The following EDARADD variants were observed in gnomAD, a reference collection of about 807,000 sequenced individuals.
EDARADD encodes ectodysplasin-A receptor-associated adapter protein.
In EDARADD, 20 loss-of-function variants were observed where a neutral mutation model predicts 25.6. The observed-to-expected ratio is 0.78, with a 90% confidence interval of 0.55 to 1.14. The LOEUF (loss-of-function observed/expected upper bound fraction) is 1.14. Ranked by LOEUF, EDARADD falls within the 50% of genes most tolerant of loss-of-function variation. EDARADD has a pLI of 0.00. For synonymous variants in EDARADD, 86 were observed against 94.4 expected, an observed-to-expected ratio of 0.91 and a Z score of 0.52; for missense variants, 225 against 270.1, an observed-to-expected ratio of 0.83 and a Z score of 1.17.
chr1:236,463,792 C>A (rs927773491), intron 4 of EDARADD, among the ~76,000 whole-genome samples: 1 of 152,196 alleles, frequency 6.6e-6, no homozygotes, highest in African/African-American at 2.4e-5. Context: ...TCTCACCTCC[C>A]TTCAGGCTTC....
upstream of EDARADD, chr1:236,394,205 A>G: frequency 7.7e-6 from 4 of 521,814 alleles, no homozygotes; most frequent in South Asian, 2.2e-5. Context: ...TGAGAAGTAC[A>G]GAAAGAACCA....
At chr1:236,443,937 T>C (rs1185405542) in intron 4 of EDARADD, among the ~76,000 whole-genome samples, 1 of 152,158 alleles carries the variant, frequency 6.6e-6, no homozygotes, top group African/African-American at 2.4e-5. Context: ...TCCATTGATG[T>C]GGCAAACCTT....
chr1:236,405,218 C>A lies in EDARADD; in HGVS notation c.62-3998C>A, dbSNP rs79338066. On this transcript the variant is annotated intron_variant, in intron 1 of 5. Coordinates refer to ENST00000334232, the MANE Select transcript of EDARADD (RefSeq NM_145861.4). Reference sequence around the variant, plus strand: ...TGTTGTGCTTCAGAAAACAAAAAAACCTAAATTCTCTGTGTCTTTCTCATC... The same window carrying A: ...TGTTGTGCTTCAGAAAACAAAAAAAACTAAATTCTCTGTGTCTTTCTCATC... Among the ~76,000 whole-genome samples, 112 of 152,284 alleles carry A rather than the reference C, an allele frequency of 7.4e-4. No individual in the cohort carries two copies. In the East Asian group the frequency reaches 0.018, roughly 25 times the overall value.
At chr1:236,415,762 A>G (rs143434782) in intron 3 of EDARADD, among the ~76,000 whole-genome samples, 1 of 151,816 alleles carries the variant, frequency 6.6e-6, no homozygotes, top group Admixed American at 6.6e-5. Context: ...GTGTTCCTTT[A>G]TGGAGGCCAA....
At chr1:236,450,661 G>A (rs140933817) in intron 4 of EDARADD, among the ~76,000 whole-genome samples, 1,896 of 150,132 alleles carry the variant, frequency 0.013, 44 homozygotes, top group African/African-American at 0.044. Context: ...CGATTCTCCT[G>A]CCTCAGCCTC....
intron 3 of EDARADD, 27 bp downstream of exon 3, chr1:236,414,326 A>T (rs1657578881): frequency 6.4e-7 from 1 of 1,561,050 alleles, no homozygotes; most frequent in African/African-American, 1.4e-5. Flanking sequence ...TAACTACTTG[A>T]ACATGTGATT....
intron 3 of EDARADD, among the ~76,000 whole-genome samples, chr1:236,351,504 G>C (rs1666914974): frequency 6.6e-6 from 1 of 152,130 alleles, no homozygotes; most frequent in Admixed American, 6.5e-5. Context: ...CAGATCAAGA[G>C]ATAGAGACCA....
At chr1:236,427,894 A>G (rs1445864353) in intron 4 of EDARADD, among the ~76,000 whole-genome samples, 3 of 151,866 alleles carry the variant, frequency 2.0e-5, no homozygotes, top group African/African-American at 7.2e-5. Context: ...CCAAAAAGGA[A>G]ATATGTTTAT....
upstream of EDARADD, chr1:236,394,172 A>G (rs1047041471): frequency 2.3e-6 from 1 of 437,226 alleles, no homozygotes; most frequent in Non-Finnish European, 4.2e-6. Flanking sequence ...CTGACGGCCA[A>G]CGTCAGAATA....
chr1:236,373,161 C>T (rs540755449), intron 3 of EDARADD, among the ~76,000 whole-genome samples: 5 of 151,788 alleles, frequency 3.3e-5, no homozygotes, highest in South Asian at 2.1e-4. Context: ...GTGATCCGCC[C>T]GCCTTGGCTT....
intron 4 of EDARADD, among the ~76,000 whole-genome samples, chr1:236,447,430 GTTA>G (rs1463591186): frequency 6.6e-6 from 1 of 151,724 alleles, no homozygotes; most frequent in Non-Finnish European, 1.5e-5. Flanking sequence ...CTAATTTTGT[GTTA>G]TTAGTAGAGA....
chr1:236,453,712 A>C (rs763617552), intron 4 of EDARADD, among the ~76,000 whole-genome samples: 16 of 152,180 alleles, frequency 1.1e-4, no homozygotes, highest in African/African-American at 2.9e-4. Flanking sequence ...AGGCTTTACC[A>C]CCCAGCCTAG....
chr1:236,472,948 C>T (rs577475712), intron 5 of EDARADD, among the ~76,000 whole-genome samples: 2 of 152,262 alleles, frequency 1.3e-5, no homozygotes, highest in African/African-American at 4.8e-5. Flanking sequence ...AAAAAACTTG[C>T]ATCAGCTGGT....
intron 2 of EDARADD, among the ~76,000 whole-genome samples, chr1:236,413,211 T>A (rs1657544827): frequency 1.3e-5 from 2 of 152,234 alleles, no homozygotes; most frequent in South Asian, 4.1e-4. Context: ...TTTGTGTTCC[T>A]CGGTCTTGGG....
chr1:236,354,463 G>GGCAT (rs1478583382), intron 3 of EDARADD, among the ~76,000 whole-genome samples: 1 of 152,136 alleles, frequency 6.6e-6, no homozygotes, highest in Non-Finnish European at 1.5e-5. Flanking sequence ...GAGCCAAGTT[G>GGCAT]GCATCCCTTT....
chr1:236,435,632 A>G (rs549789684), intron 4 of EDARADD, among the ~76,000 whole-genome samples: 1 of 152,372 alleles, frequency 6.6e-6, no homozygotes, highest in African/African-American at 2.4e-5. Flanking sequence ...ATGCAGTTCT[A>G]TCCAGAAATT....
intron 5 of EDARADD, among the ~76,000 whole-genome samples, chr1:236,473,733 C>T (rs368435198): frequency 2.6e-5 from 4 of 152,094 alleles, no homozygotes; most frequent in East Asian, 1.9e-4. Flanking sequence ...TGCAGTGAGG[C>T]GTGATTGTGC....
chr1:236,463,679 TTC>T (rs966680568), intron 4 of EDARADD, among the ~76,000 whole-genome samples: 1 of 152,202 alleles, frequency 6.6e-6, no homozygotes, highest in African/African-American at 2.4e-5. Context: ...CCTCCAGAAC[TTC>T]TCTGTCTTCC....
chr1:236,364,266 A>G (rs777529386), intron 3 of EDARADD, among the ~76,000 whole-genome samples: 1 of 152,228 alleles, frequency 6.6e-6, no homozygotes, highest in African/African-American at 2.4e-5. Context: ...TCCCAGATAT[A>G]TGTCTATCTT....
Sources: allele counts gnomAD v4.1 joint callset (sites outside exome capture counted in the v4.1 genomes callset), GRCh38; gene constraint gnomAD v4.1.1; transcripts MANE v1.5; gene names NCBI Gene and HGNC (gene_info 2026-07-23, HGNC 2026-07-21).